The following CORO2B variants were observed in gnomAD, a reference collection of about 807,000 sequenced individuals.
CORO2B encodes coronin-2B.
Under a neutral mutation model 58.8 loss-of-function variants are expected in CORO2B, and 26 were observed. The ratio of observed to expected loss-of-function variants is 0.44; its 90% CI spans 0.32 to 0.61. The LOEUF is 0.61. Ranked by LOEUF, CORO2B falls within the 20% of genes least tolerant of loss-of-function variation. The probability of loss-of-function intolerance (pLI) is 0.04; values close to 1 mark genes in which losing one functional copy is unlikely to be tolerated. For missense variants in CORO2B, 460 were observed against 645.1 expected, an observed-to-expected ratio of 0.71 and a Z score of 3.11; for synonymous variants, 242 against 253.8, an observed-to-expected ratio of 0.95 and a Z score of 0.44.
chr15:68,722,277 A>G (rs1567021064), intron 11 of CORO2B, among the ~76,000 whole-genome samples: 1 of 152,136 alleles, frequency 6.6e-6, no homozygotes, highest in Admixed American at 6.5e-5. Context: ...CAGAGCAGAC[A>G]AAACAGATGC....
At chr15:68,631,228 C>T (rs1051882281) in intron 1 of CORO2B, among the ~76,000 whole-genome samples, 4 of 152,166 alleles carry the variant, frequency 2.6e-5, no homozygotes, top group Admixed American at 6.5e-5. Context: ...GCCACTTGCC[C>T]GTCAGTGGGT....
chr15:68,706,203 G>A (rs1174169225), intron 3 of CORO2B, among the ~76,000 whole-genome samples: 1 of 152,130 alleles, frequency 6.6e-6, no homozygotes. Context: ...CTACCTGCTG[G>A]CGCCCGACCC....
rs963897398 is a variant in CORO2B at position 68,719,365 on chromosome 15, G to A, written c.1172-48G>A. The A allele has an allele frequency of 3.7e-6, 6 of 1,609,890 alleles. No homozygotes were observed. The Admixed American group carries it at 6.7e-5, about 18-fold the overall frequency. On this transcript the variant is annotated intron_variant, in intron 10 of 11. Transcript: ENST00000261861. ...CACCCAGCCTGCTGGACCATCACCT[G>A]ACAGTCCATGGGATCGTCAGTGAGA...
At chr15:68,535,483 A>G in the CORO2B span, among the ~76,000 whole-genome samples, 2 of 152,212 alleles carry the variant, frequency 1.3e-5, no homozygotes, top group Non-Finnish European at 2.9e-5. Flanking sequence ...TATGTCAGGA[A>G]CTTAGTATGA....
chr15:68,598,557 G>A (rs879492818), intron 1 of CORO2B, among the ~76,000 whole-genome samples: 1 of 152,210 alleles, frequency 6.6e-6, no homozygotes, highest in Non-Finnish European at 1.5e-5. Context: ...GACTAGAGAA[G>A]CCAGTCCCTG....
chr15:68,715,454 C>G, intron 8 of CORO2B, 143 bp downstream of exon 8: 1 of 623,306 alleles, frequency 1.6e-6, no homozygotes, highest in South Asian at 2.0e-5. Flanking sequence ...CCTGCAAGAG[C>G]TGGCCCTGCT....
chr15:68,653,005 C>T (rs2140279612), intron 2 of CORO2B, among the ~76,000 whole-genome samples: 1 of 152,316 alleles, frequency 6.6e-6, no homozygotes, highest in East Asian at 1.9e-4. Flanking sequence ...GCTGACACCC[C>T]ATGTGTCCAT....
At chr15:68,690,876 A>G (rs1223760056) in intron 2 of CORO2B, among the ~76,000 whole-genome samples, 2 of 151,326 alleles carry the variant, frequency 1.3e-5, no homozygotes, top group African/African-American at 4.9e-5. Flanking sequence ...GCTGGTCTCG[A>G]ACTCCTGGGC....
intron 1 of CORO2B, among the ~76,000 whole-genome samples, chr15:68,601,080 G>T (rs1172550212): frequency 1.3e-5 from 2 of 152,216 alleles, no homozygotes; most frequent in African/African-American, 2.4e-5. Flanking sequence ...TGGGGATGGG[G>T]TGGCATGCAG....
intron 2 of CORO2B, among the ~76,000 whole-genome samples, chr15:68,659,256 C>T (rs1455807322): frequency 6.6e-6 from 1 of 152,190 alleles, no homozygotes; most frequent in Admixed American, 6.6e-5. Flanking sequence ...AGGGCGCTGA[C>T]CCCTGCACCA....
intron 1 of CORO2B, among the ~76,000 whole-genome samples, chr15:68,595,874 C>T (rs536072702): frequency 2.2e-4 from 33 of 152,242 alleles, no homozygotes; most frequent in South Asian, 4.1e-4. Flanking sequence ...CCTGGTGAGA[C>T]GGAGCGGGCG....
chr15:68,524,478 A>G, the CORO2B span, among the ~76,000 whole-genome samples: 2 of 152,312 alleles, frequency 1.3e-5, no homozygotes, highest in African/African-American at 4.8e-5. Flanking sequence ...CTCCCCAATC[A>G]TACTCTAATA....
intron 6 of CORO2B, 139 bp downstream of exon 6, chr15:68,714,180 C>T: frequency 3.2e-6 from 2 of 626,452 alleles, no homozygotes; most frequent in Non-Finnish European, 5.6e-6. Flanking sequence ...AGACAGAGAC[C>T]CCCAGAGGCC....
chr15:68,710,893 G>T lies in CORO2B; in HGVS notation c.483+12G>T. The T allele has an allele frequency of 3.2e-6, 5 of 1,585,436 alleles. No homozygotes were observed. The highest frequency in any genetic ancestry group is 4.3e-6 in the Non-Finnish European group (5 of 1,162,782). ...GCTACGACTACAAGGTATGCAGTGG[G>T]CAGGCAGCTGGGTGGAGAGGGATTG... On this transcript the variant is annotated intron_variant, in intron 4 of 11. Transcript: ENST00000261861. This position sits in a 1 kb window ranked among gnomAD's most constrained non-coding sequence, Gnocchi z 4.1.
Position 68,718,780 on chromosome 15 carries a change from C to A in CORO2B, c.1050C>A (p.Ile350=). 6.2e-7 allele frequency: 1 copy of A among 1,613,916 alleles called. No homozygotes were observed. Among genetic ancestry groups the A allele is most frequent in the Non-Finnish European group, 8.5e-7 (1 of 1,179,904 alleles). ...FYKLVTLKGL[I]EPISMIVPRR... ...AGCTGGTGACTCTCAAGGGCCTGATCGAGCCCATCTCCATGATCGTGCCCC... is the reference window on the plus strand; with the variant it reads ...AGCTGGTGACTCTCAAGGGCCTGATAGAGCCCATCTCCATGATCGTGCCCC... The change falls in exon 9 of 12, where the codon ATC becomes ATA. Residue 350 remains isoleucine, a synonymous_variant. Coordinates refer to ENST00000261861, the MANE Select transcript of CORO2B (RefSeq NM_006091.5).
intron 3 of CORO2B, among the ~76,000 whole-genome samples, chr15:68,703,101 C>T (rs1262595011): frequency 6.7e-6 from 1 of 149,906 alleles, no homozygotes; most frequent in Non-Finnish European, 1.5e-5. Flanking sequence ...GCTGGGATTA[C>T]AGGAGTGAGC....
chr15:68,673,835 T>TTAA (rs1491583659), intron 2 of CORO2B, among the ~76,000 whole-genome samples: 16 of 92,700 alleles, frequency 1.7e-4, no homozygotes, highest in African/African-American at 6.6e-4. Flanking sequence ...AGACTCCGTC[T>TTAA]AAAAAAAAAA....
chr15:68,697,161 G>T (rs980133986), intron 3 of CORO2B, among the ~76,000 whole-genome samples: 2 of 151,862 alleles, frequency 1.3e-5, no homozygotes, highest in African/African-American at 4.8e-5. Flanking sequence ...TGGATGGATT[G>T]TTGGATGGAT....
chr15:68,629,476 C>A (rs902252928), intron 1 of CORO2B, among the ~76,000 whole-genome samples: 1 of 152,150 alleles, frequency 6.6e-6, no homozygotes, highest in Admixed American at 6.5e-5. Context: ...AGACTTTATC[C>A]CCAGAGGCAG....
Sources: gnomAD v4.1 joint callset for allele counts (sites outside exome capture counted in the v4.1 genomes callset) on GRCh38, gnomAD v4.1.1 for gene constraint, Gnocchi (gnomAD v3.1) non-coding constraint, MANE v1.5 for transcripts, NCBI Gene and HGNC (gene_info 2026-07-23, HGNC 2026-07-21) for gene names.